ZNF592: variants seen among roughly 807,000 people sequenced by gnomAD.
The protein encoded by ZNF592 is zinc finger protein 592.
A neutral mutation model predicts 80.3 loss-of-function variants in ZNF592; 11 were observed. That is an observed-to-expected ratio of 0.14 (90% CI 0.09 to 0.23). The LOEUF (loss-of-function observed/expected upper bound fraction) is 0.23, where lower values mean the gene tolerates loss of function less well. Ranked by LOEUF, ZNF592 falls within the 10% of genes least tolerant of loss-of-function variation. The probability of loss-of-function intolerance (pLI) is 1.00; values close to 1 mark genes in which losing one functional copy is unlikely to be tolerated. For synonymous variants in ZNF592, 646 were observed against 640.3 expected (o/e 1.01, Z -0.13); for missense variants, 1,420 against 1,633.9 (o/e 0.87, Z 2.26).
Position 84,799,973 on chromosome 15 carries a change from C to G in ZNF592, c.3269C>G (p.Pro1090Arg), listed in dbSNP as rs144143276. 10 of 1,614,190 alleles carry G rather than the reference C, an allele frequency of 6.2e-6. No individual in the cohort carries two copies. In the South Asian group the frequency reaches 8.8e-5, roughly 14 times the overall value. The change falls in exon 10 of 11, where the codon CCT (proline) becomes CGT (arginine). Residue 1090 changes from proline (P) to arginine (R), a missense_variant. Around this residue, in one of 7 missense-constraint regions of ZNF592, gnomAD observed 331 missense variants for 347.0 expected, o/e 0.95. Transcript: ENST00000560079. This position sits in a 1 kb window ranked among gnomAD's most constrained non-coding sequence, Gnocchi z 4.2. ...SKVKPPGGHSPQVNHLKRPVS... is the reference protein window; with the variant it reads ...SKVKPPGGHSRQVNHLKRPVS... The stretch of plus-strand genomic sequence containing the variant: ...GTGAAACCTCCGGGTGGACATTCCC[C>G]TCAGGTGAGTGTGGGCTCCCTGCCT...
At position 84,764,716 on chromosome 15, in the gene ZNF592, G is replaced by C. The variant is rs181105200; in HGVS notation, c.-249G>C. On this transcript the variant is annotated 5_prime_UTR_variant, in exon 2 of 11. Coordinates refer to ENST00000560079, the MANE Select transcript of ZNF592 (RefSeq NM_014630.3). ...TTTCTTCTTTCCTTAGGTGGTGTTT[G>C]GACTCTAGACCATGTGCCTAGGTAG... 313 of 398,864 alleles carry C rather than the reference G, an allele frequency of 7.8e-4. 1 individual carries two copies. The highest frequency in any genetic ancestry group is 2.5e-3 in the Middle Eastern group (4 of 1,588). The allele number at this position is 398,864 out of a possible 1,614,324, so 24.7% of individuals were successfully genotyped here.
chr15:84,797,755 G>A, intron 5 of ZNF592, 114 bp from the exon 6 acceptor site: 1 of 1,217,346 alleles, frequency 8.2e-7, no homozygotes, highest in Non-Finnish European at 1.2e-6. Flanking sequence ...GAGGGAGGGA[G>A]AAGGTGCCTG....
At chr15:84,766,956 A>G (rs1899545805) in intron 2 of ZNF592, among the ~76,000 whole-genome samples, 1 of 151,952 alleles carries the variant, frequency 6.6e-6, no homozygotes, top group Non-Finnish European at 1.5e-5. Context: ...CCTCAAAACC[A>G]CCAAAGAAAG....
intron 4 of ZNF592, 21 bp from the exon 5 acceptor site, chr15:84,790,684 T>C (rs1264054880): frequency 6.2e-7 from 1 of 1,614,102 alleles, no homozygotes; most frequent in Non-Finnish European, 8.5e-7. Context: ...CATGATCTGC[T>C]TTCTTGGTGT....
rs745666400 is a variant in ZNF592 at position 84,783,481 on chromosome 15, C to G, written c.806C>G (p.Pro269Arg). 4 of 1,614,216 alleles carry G rather than the reference C, an allele frequency of 2.5e-6. No homozygotes were observed. The highest frequency in any genetic ancestry group is 1.1e-5 in the South Asian group (1 of 91,088). The change falls in exon 4 of 11, where the codon CCC becomes CGC. Residue 269 changes from proline to arginine, a missense_variant. This residue lies in a region of ZNF592 where 373 missense variants were observed against 355.5 expected (regional missense o/e 1.05). Coordinates refer to ENST00000560079, the MANE Select transcript of ZNF592 (RefSeq NM_014630.3). The surrounding 1 kb of genome is among the most constrained non-coding windows in gnomAD (Gnocchi z 5.0). ...ARELGTCSSV[P>R]PRQRLKPAHS... ...GAGCTTGGTACCTGCTCATCAGTCC[C>G]CCCTAGGCAGCGTCTAAAGCCAGCT... is the stretch of plus-strand genomic sequence containing the variant.
In ZNF592 at chr15:84,783,775, G is replaced by C. The variant is rs757279076; in HGVS notation, c.1100G>C (p.Ser367Thr). 5.6e-6 allele frequency: 9 copies of C among 1,614,226 alleles called. No homozygotes were observed. The highest frequency in any genetic ancestry group is 7.6e-6 in the Non-Finnish European group (9 of 1,180,034). The stretch of plus-strand genomic sequence containing the variant: ...AAAGGCTCACCGTCTGTGGCTGCCA[G>C]CTCCCCACCAGCAATTCCCAAAGTG... ...SSKGSPSVAASSPPAIPKVRI... is the reference protein window; with the variant it reads ...SSKGSPSVAATSPPAIPKVRI... Residue 367 changes from serine to threonine, a missense_variant, in exon 4 of 11, where the codon AGC (serine) becomes ACC (threonine). By Grantham distance (58) the Ser-to-Thr change is moderately conservative (BLOSUM62 1). Transcript: ENST00000560079. The surrounding 1 kb of genome is among the most constrained non-coding windows in gnomAD (Gnocchi z 5.0).
At chr15:84,766,127 C>T (rs1402006894) in intron 2 of ZNF592, among the ~76,000 whole-genome samples, 4 of 151,992 alleles carry the variant, frequency 2.6e-5, no homozygotes, top group African/African-American at 9.7e-5. Flanking sequence ...AGTCCTCCCA[C>T]CTCAGCCTCC....
intron 5 of ZNF592, among the ~76,000 whole-genome samples, chr15:84,797,082 A>C (rs1235566644): frequency 3.9e-5 from 6 of 152,024 alleles, no homozygotes; most frequent in Non-Finnish European, 7.4e-5. Context: ...TGCCTCAGCC[A>C]CCTGAGTAGC....
At position 84,767,867 on chromosome 15, in the gene ZNF592, GTTTCTTTTCT is replaced by G. The variant is rs550879575; in HGVS notation, c.-150+3066_-150+3075del. 7.5e-3 allele frequency among the ~76,000 whole-genome samples: 1,127 copies of G among 150,688 alleles called. 11 individuals are homozygous for G. The highest frequency in any genetic ancestry group is 0.01 in the Non-Finnish European group (688 of 67,602). ...ACTTGTATTTTCTTTTTTTTTATTTGTTTCTTTTCTTTTCTTTTCTTTTTTTTGAGACAGG... is the reference window on the plus strand; with the variant it reads ...ACTTGTATTTTCTTTTTTTTTATTTGTTTCTTTTCTTTTTTTTGAGACAGG... On this transcript the variant is annotated intron_variant, in intron 2 of 10. Coordinates refer to ENST00000560079, the MANE Select transcript of ZNF592 (RefSeq NM_014630.3).
chr15:84,796,244 ATATATATATATATATATATATTTT>A (rs1446748581), intron 5 of ZNF592, among the ~76,000 whole-genome samples: 2,036 of 19,118 alleles, frequency 0.11, 90 homozygotes, highest in African/African-American at 0.13. Context: ...AAAAAAATAT[ATATATATATATATATATATATTTT>A]ATATATATAT....
chr15:84,765,406 T>C (rs945328782), intron 2 of ZNF592, among the ~76,000 whole-genome samples: 2 of 152,152 alleles, frequency 1.3e-5, no homozygotes, highest in African/African-American at 2.4e-5. Context: ...CTGGATCATA[T>C]GGTAATTCTG....
intron 2 of ZNF592, among the ~76,000 whole-genome samples, chr15:84,769,527 G>A (rs2028111): frequency 0.84 from 125,751 of 149,532 alleles, 53,296 homozygotes; most frequent in African/African-American, 0.95. Flanking sequence ...AGCAGAGGGA[G>A]TGGTGACTGC....
chr15:84,798,300 G>A lies in ZNF592; in HGVS notation c.2577-15G>A, dbSNP rs776373423. On this transcript the variant is annotated splice_polypyrimidine_tract_variant and intron_variant, in intron 6 of 10. Coordinates refer to ENST00000560079, the MANE Select transcript of ZNF592 (RefSeq NM_014630.3). This position sits in a 1 kb window ranked among gnomAD's most constrained non-coding sequence, Gnocchi z 4.5. ...GTGCCTTGGCCACCTCACCCCCTAG[G>A]GCTTGTCTCATCAGGCTCATTTATA... 3.1e-6 allele frequency: 5 copies of A among 1,613,972 alleles called. No individual in the cohort carries two copies. The African/African-American group carries it at 6.7e-5, about 22-fold the overall frequency.
chr15:84,799,291 G>T lies in ZNF592; in HGVS notation c.3137+81G>T. On this transcript the variant is annotated intron_variant, in intron 9 of 10. Transcript: ENST00000560079. The surrounding 1 kb of genome is among the most constrained non-coding windows in gnomAD (Gnocchi z 4.2). The stretch of plus-strand genomic sequence containing the variant: ...GGCACCACTGGGGCTTTTCTGTGCT[G>T]CAAGATCAGGTGTCTAAGACAAGAG... The T allele has an allele frequency of 5.2e-6, 7 of 1,352,240 alleles. No homozygotes were observed. Among genetic ancestry groups the T allele is most frequent in the Non-Finnish European group, 7.4e-6 (7 of 942,532 alleles). The allele number at this position is 1,352,240 out of a possible 1,614,324, so 83.8% of individuals were successfully genotyped here. A position where few individuals can be genotyped will look rare whatever the true frequency, so the allele number is the denominator to read the frequency against.
intron 4 of ZNF592, among the ~76,000 whole-genome samples, chr15:84,789,955 A>G (rs1747990004): frequency 6.6e-6 from 1 of 152,174 alleles, no homozygotes; most frequent in African/African-American, 2.4e-5. Flanking sequence ...TCAGAGCGTA[A>G]TTAGTCTGGT....
intron 2 of ZNF592, among the ~76,000 whole-genome samples, chr15:84,769,856 G>C (rs894058343): frequency 6.6e-6 from 1 of 152,156 alleles, no homozygotes; most frequent in African/African-American, 2.4e-5. Context: ...GCTCACTGCA[G>C]CCTCAAATTC....
At chr15:84,772,945 C>CTTAG (rs1403900801) in intron 2 of ZNF592, among the ~76,000 whole-genome samples, 1 of 152,154 alleles carries the variant, frequency 6.6e-6, no homozygotes, top group Non-Finnish European at 1.5e-5. Flanking sequence ...TATTACTGAA[C>CTTAG]TTAGCATTGC....
intron 2 of ZNF592, among the ~76,000 whole-genome samples, chr15:84,766,138 C>T (rs550213208): frequency 5.3e-5 from 8 of 151,872 alleles, no homozygotes; most frequent in South Asian, 2.1e-4. Context: ...CTCAGCCTCC[C>T]GAGTAGCTGG....
rs71453265 is a variant in ZNF592, at chr15:84,765,535, GT to G, written c.-150+742del. 7.3e-3 allele frequency among the ~76,000 whole-genome samples: 676 copies of G among 92,282 alleles called. 3 individuals are homozygous for G. The highest frequency in any genetic ancestry group is 0.026 in the African/African-American group (624 of 23,704). The allele number at this position is 92,282 out of a possible 152,430, so 60.5% of individuals were successfully genotyped here. On this transcript the variant is annotated intron_variant, in intron 2 of 10. Coordinates refer to ENST00000560079, the MANE Select transcript of ZNF592 (RefSeq NM_014630.3). ...ATCCTCACTAGCACTTGTTATTATTGTTTTTTTTTTTTTTTTTTTTTTGAGA... is the reference window on the plus strand; with the variant it reads ...ATCCTCACTAGCACTTGTTATTATTGTTTTTTTTTTTTTTTTTTTTTGAGA...
Sources: gnomAD v4.1 joint callset for allele counts (sites outside exome capture counted in the v4.1 genomes callset) on GRCh38, gnomAD v4.1.1 for gene constraint, gnomAD v4.1.1 regional missense constraint, Gnocchi (gnomAD v3.1) non-coding constraint, MANE v1.5 for transcripts, NCBI Gene and HGNC (gene_info 2026-07-23, HGNC 2026-07-21) for gene names.